Variants in BMERB1 observed in about 807,000 individuals in gnomAD.
The protein encoded by BMERB1 is bMERB domain containing 1, also known as bMERB domain-containing protein 1.
BMERB1 carries 12 observed loss-of-function variants against 23.6 expected under a neutral mutation model. The observed-to-expected ratio is 0.51, with a 90% CI of 0.33 to 0.82. BMERB1 has a LOEUF of 0.82. BMERB1 is among the 40% of genes least tolerant of loss of function. The pLI is 0.03. For synonymous variants in BMERB1, 122 were observed against 96.6 expected, an observed-to-expected ratio of 1.26 and a Z score of -1.54; for missense variants, 247 against 255.4, an observed-to-expected ratio of 0.97 and a Z score of 0.22.
At chr16:15,478,331 T>G (rs568282532) in intron 1 of BMERB1, among the ~76,000 whole-genome samples, 1 of 152,130 alleles carries the variant, frequency 6.6e-6, no homozygotes, top group South Asian at 2.1e-4. Context: ...CAGCTAATTT[T>G]TGTATTTTTA....
chr16:15,579,497 C>A (rs2030953769), intron 3 of BMERB1, among the ~76,000 whole-genome samples: 1 of 152,104 alleles, frequency 6.6e-6, no homozygotes, highest in South Asian at 2.1e-4. Flanking sequence ...TCTCCTTACC[C>A]CTGGTTCTGC....
At chr16:15,514,701 C>T (rs906424221) in intron 1 of BMERB1, among the ~76,000 whole-genome samples, 1 of 152,126 alleles carries the variant, frequency 6.6e-6, no homozygotes, top group Non-Finnish European at 1.5e-5. Flanking sequence ...TCGCCTGAAC[C>T]TCAGAGGCAG....
chr16:15,441,779 C>T (rs1415964353), intron 1 of BMERB1, among the ~76,000 whole-genome samples: 1 of 152,156 alleles, frequency 6.6e-6, no homozygotes, highest in African/African-American at 2.4e-5. Flanking sequence ...GTCTCAGCCT[C>T]CCAAAGGGCT....
intron 5 of BMERB1, among the ~76,000 whole-genome samples, chr16:15,586,299 G>A (rs188751013): frequency 6.6e-6 from 1 of 152,220 alleles, no homozygotes; most frequent in East Asian, 1.9e-4. Context: ...GGGAGGTGGA[G>A]GTATCTGAAA....
At chr16:15,534,635 C>T (rs1168497950) in intron 2 of BMERB1, among the ~76,000 whole-genome samples, 1 of 152,180 alleles carries the variant, frequency 6.6e-6, no homozygotes, top group Non-Finnish European at 1.5e-5. Context: ...CCACATTTGA[C>T]ATTCCTGGTT....
chr16:15,469,115 C>T (rs2051208400), intron 1 of BMERB1, among the ~76,000 whole-genome samples: 2 of 152,004 alleles, frequency 1.3e-5, no homozygotes, highest in South Asian at 4.2e-4. Context: ...AAGTGCGTGC[C>T]ACCACACCTG....
intron 5 of BMERB1, 68 bp from the exon 6 acceptor site, chr16:15,586,649 T>C: frequency 4.5e-6 from 6 of 1,321,050 alleles, no homozygotes; most frequent in Non-Finnish European, 6.4e-6. Flanking sequence ...TGGTCAGGGC[T>C]CTGCTCACCT....
At chr16:15,485,831 T>C (rs575317961) in intron 1 of BMERB1, among the ~76,000 whole-genome samples, 1 of 152,182 alleles carries the variant, frequency 6.6e-6, no homozygotes, top group Admixed American at 6.5e-5. Flanking sequence ...AGTCCCTCCA[T>C]CTCCAAACTA....
chr16:15,472,543 G>T (rs1479004907), intron 1 of BMERB1, among the ~76,000 whole-genome samples: 1 of 152,024 alleles, frequency 6.6e-6, no homozygotes, highest in Non-Finnish European at 1.5e-5. Flanking sequence ...TACTTTATCT[G>T]GTATTAGTAG....
rs150793082 is a variant in BMERB1 at position 15,444,123 on chromosome 16, G to GTTTTTTTTTTTTTTTTTTTTTTTTTTT, written c.106+9365_106+9391dup. ...AGGCCAGGGTCCAGGCACCAGCTTTGTTTTTTTTTTTTTTTTTTTTTTTTT... is the reference window on the plus strand; with the variant it reads ...AGGCCAGGGTCCAGGCACCAGCTTTGTTTTTTTTTTTTTTTTTTTTTTTTTTTTTTTTTTTTTTTTTTTTTTTTTTTT... On this transcript the variant is annotated intron_variant, in intron 1 of 5. Coordinates refer to ENST00000300006, the MANE Select transcript of BMERB1 (RefSeq NM_033201.3). Among the ~76,000 whole-genome samples, 39 of 35,622 alleles carry GTTTTTTTTTTTTTTTTTTTTTTTTTTT rather than the reference G, an allele frequency of 1.1e-3. 6 individuals carry two copies. Among genetic ancestry groups the GTTTTTTTTTTTTTTTTTTTTTTTTTTT allele is most frequent in the East Asian group, 3.6e-3 (2 of 556 alleles). 23.4% of individuals were successfully genotyped at this position (35,622 alleles called of 152,430 possible). A position where few individuals can be genotyped will look rare whatever the true frequency, so the allele number is the denominator to read the frequency against.
chr16:15,446,289 G>C (rs1454894232), intron 1 of BMERB1, among the ~76,000 whole-genome samples: 2 of 152,052 alleles, frequency 1.3e-5, no homozygotes, highest in African/African-American at 4.8e-5. Context: ...CTAGCTACCC[G>C]GGGGCTGAGG....
intron 1 of BMERB1, among the ~76,000 whole-genome samples, chr16:15,470,544 TTAGAC>T (rs1326587409): frequency 6.6e-6 from 1 of 151,922 alleles, no homozygotes; most frequent in Non-Finnish European, 1.5e-5. Context: ...TTTTTTTTTT[TTAGAC>T]AGAGTCTTTC....
At chr16:15,533,679 C>T (rs71376071) in intron 2 of BMERB1, among the ~76,000 whole-genome samples, 12 of 152,032 alleles carry the variant, frequency 7.9e-5, no homozygotes, top group Non-Finnish European at 1.6e-4. Context: ...AGTGGCAAAC[C>T]GAAGTCTATG....
In BMERB1 at chr16:15,583,171, C is replaced by G; in HGVS notation, c.435C>G (p.Asp145Glu). Residue 145 changes from aspartate (D) to glutamate (E), a missense_variant, in exon 5 of 6, where the codon GAC (aspartate) becomes GAG (glutamate). Transcript: ENST00000300006. ...EVERLREQEE[D>E]KEMADFLRIK... is the part of the protein sequence containing the mutation. Reference sequence around the variant, plus strand: ...ACTTTCACAGGGAGCAAGAAGAAGACAAGGAAATGGCTGATTTCCTGAGAA... The same window carrying G: ...ACTTTCACAGGGAGCAAGAAGAAGAGAAGGAAATGGCTGATTTCCTGAGAA... The G allele has an allele frequency of 6.2e-7, 1 of 1,613,320 alleles. No homozygotes were observed. The highest frequency in any genetic ancestry group is 1.3e-5 in the African/African-American group (1 of 75,014).
chr16:15,570,094 T>A (rs530068468), intron 3 of BMERB1, among the ~76,000 whole-genome samples: 1 of 152,262 alleles, frequency 6.6e-6, no homozygotes, highest in African/African-American at 2.4e-5. Context: ...CTGTTATCAT[T>A]TTTGCAAAGG....
intron 1 of BMERB1, among the ~76,000 whole-genome samples, chr16:15,503,779 G>C (rs538897655): frequency 2.0e-5 from 3 of 152,234 alleles, no homozygotes; most frequent in Non-Finnish European, 2.9e-5. Context: ...TGCCCAGGTC[G>C]CACAATTAGT....
At chr16:15,571,978 C>T (rs2030740133) in intron 3 of BMERB1, among the ~76,000 whole-genome samples, 1 of 152,124 alleles carries the variant, frequency 6.6e-6, no homozygotes, top group Non-Finnish European at 1.5e-5. Flanking sequence ...AAAGCACAGG[C>T]CGGGGATCCT....
intron 1 of BMERB1, among the ~76,000 whole-genome samples, chr16:15,512,137 G>A (rs1326484910): frequency 1.3e-5 from 2 of 151,644 alleles, no homozygotes; most frequent in Non-Finnish European, 2.9e-5. Flanking sequence ...AGCAAAATAA[G>A]GTGTTTTGAT....
intron 1 of BMERB1, among the ~76,000 whole-genome samples, chr16:15,487,538 A>G (rs2051378605): frequency 6.6e-6 from 1 of 152,196 alleles, no homozygotes; most frequent in South Asian, 2.1e-4. Flanking sequence ...TTGTGCAAGA[A>G]AGAACTCAAG....
Sources: gnomAD v4.1 joint callset for allele counts (sites outside exome capture counted in the v4.1 genomes callset) on GRCh38, gnomAD v4.1.1 for gene constraint, MANE v1.5 for transcripts, NCBI Gene and HGNC (gene_info 2026-07-23, HGNC 2026-07-21) for gene names.